The following LPAR1 variants were observed in gnomAD, a reference collection of about 807,000 sequenced individuals.
LPAR1 encodes the protein LPA receptor 1.
LPAR1 carries 5 observed loss-of-function variants against 23.8 expected under a neutral mutation model. The ratio of observed to expected loss-of-function variants is 0.21; its 90% CI spans 0.11 to 0.44. The LOEUF is 0.44. LPAR1 is among the 20% of genes least tolerant of loss of function. LPAR1 has a pLI of 0.99. For synonymous variants in LPAR1, 160 were observed against 164.7 expected, an observed-to-expected ratio of 0.97 and a Z score of 0.22; for missense variants, 311 against 482.8, an observed-to-expected ratio of 0.64 and a Z score of 3.33.
At chr9:110,974,432 G>T (rs1435537110) in intron 2 of LPAR1, among the ~76,000 whole-genome samples, 1 of 152,186 alleles carries the variant, frequency 6.6e-6, no homozygotes, top group Non-Finnish European at 1.5e-5. Context: ...CTGGGCAAAT[G>T]AGGAGCTCAG....
intron 4 of LPAR1, among the ~76,000 whole-genome samples, 153 bp downstream of exon 4, chr9:110,971,920 T>G (rs898661150): frequency 6.6e-6 from 1 of 152,126 alleles, no homozygotes; most frequent in African/African-American, 2.4e-5. Flanking sequence ...AAATGGCACC[T>G]CACTCACAAA....
chr9:111,021,300 C>T (rs761822335), intron 2 of LPAR1, among the ~76,000 whole-genome samples: 35 of 152,200 alleles, frequency 2.3e-4, no homozygotes, highest in Non-Finnish European at 4.7e-4. Flanking sequence ...TTTTGCTTGT[C>T]ATTATACATC....
chr9:110,941,474 C>T lies in LPAR1; in HGVS notation c.740G>A (p.Arg247Gln), dbSNP rs1270670231. The T allele has an allele frequency of 2.5e-6, 4 of 1,613,922 alleles. No individual in the cohort carries two copies. The highest frequency in any genetic ancestry group is 1.3e-5 in the African/African-American group (1 of 74,896). ...MRMSRHSSGP[R>Q]RNRDTMMSLL... ...ACTCATCATGGTATCCCGATTCCGC[C>T]GGGGTCCAGAACTATGCCGAGACAT... Residue 247 changes from arginine to glutamine, a missense_variant, in exon 5 of 6, where the codon CGG becomes CAG. Arg to Gln is a conservative substitution (Grantham distance 43, BLOSUM62 1). Transcript: ENST00000683809. This position sits in a 1 kb window ranked among gnomAD's most constrained non-coding sequence, Gnocchi z 6.1.
chr9:110,923,618 G>T lies in LPAR1; in HGVS notation c.793+17803C>A, dbSNP rs185929078. 5.3e-4 allele frequency among the ~76,000 whole-genome samples: 81 copies of T among 152,326 alleles called. 1 individual carries two copies. In the East Asian group the frequency reaches 0.014, roughly 26 times the overall value. On this transcript the variant is annotated intron_variant, in intron 5 of 5. Transcript: ENST00000683809. The stretch of plus-strand genomic sequence containing the variant: ...ATTTTCAATTTACGATGGATTTATG[G>T]AGATGTAACCCCACCGCTAAGTCAG...
intron 2 of LPAR1, among the ~76,000 whole-genome samples, chr9:110,989,308 T>C (rs1724165011): frequency 6.6e-6 from 1 of 152,206 alleles, no homozygotes; most frequent in Admixed American, 6.5e-5. Context: ...CTCTGCCTCC[T>C]GAATAGCTGG....
intron 3 of LPAR1, among the ~76,000 whole-genome samples, chr9:110,973,270 C>G (rs965101959): frequency 6.6e-6 from 1 of 152,138 alleles, no homozygotes; most frequent in African/African-American, 2.4e-5. Context: ...TTAGATAGCA[C>G]CCCGTCCAAC....
At chr9:111,005,658 T>A (rs1232054371) in intron 2 of LPAR1, among the ~76,000 whole-genome samples, 2 of 148,658 alleles carry the variant, frequency 1.3e-5, no homozygotes, top group Admixed American at 6.7e-5. Flanking sequence ...CTCTGCCTCA[T>A]CCACTAGCAA....
intron 4 of LPAR1, among the ~76,000 whole-genome samples, chr9:110,967,356 G>A (rs893136690): frequency 6.6e-6 from 1 of 152,186 alleles, no homozygotes; most frequent in South Asian, 2.1e-4. Flanking sequence ...CCCAGCAGGC[G>A]TGACAATGCA....
intron 5 of LPAR1, among the ~76,000 whole-genome samples, chr9:110,891,008 T>G (rs1588155671): frequency 6.6e-6 from 1 of 152,346 alleles, no homozygotes; most frequent in African/African-American, 2.4e-5. Flanking sequence ...ACTAGAAGTA[T>G]TCCACTAATA....
chr9:111,007,832 A>C (rs2097251685), intron 2 of LPAR1, among the ~76,000 whole-genome samples: 1 of 152,186 alleles, frequency 6.6e-6, no homozygotes, highest in Non-Finnish European at 1.5e-5. Context: ...ATCATTACAA[A>C]ACTATATCCG....
At chr9:110,966,545 T>C (rs2096234784) in intron 4 of LPAR1, among the ~76,000 whole-genome samples, 1 of 151,038 alleles carries the variant, frequency 6.6e-6, no homozygotes, top group South Asian at 2.1e-4. Context: ...CCATGGCACA[T>C]GTATACCTAT....
intron 5 of LPAR1, among the ~76,000 whole-genome samples, chr9:110,889,184 AC>A (rs2083318964): frequency 6.6e-6 from 1 of 152,098 alleles, no homozygotes; most frequent in African/African-American, 2.4e-5. Flanking sequence ...ACAAGGTGAA[AC>A]CCTGTCTCTA....
intron 5 of LPAR1, among the ~76,000 whole-genome samples, chr9:110,930,378 G>A (rs1397753582): frequency 6.6e-6 from 1 of 152,080 alleles, no homozygotes; most frequent in East Asian, 1.9e-4. Flanking sequence ...AGCTGGGTGT[G>A]GTGGCCTGTA....
chr9:111,007,359 A>C (rs1042850234), intron 2 of LPAR1, among the ~76,000 whole-genome samples: 3 of 152,218 alleles, frequency 2.0e-5, no homozygotes, highest in Non-Finnish European at 4.4e-5. Context: ...GCTTTATATC[A>C]CATCATAAAC....
Position 110,989,156 on chromosome 9 carries a change from T to C in LPAR1, c.-181-15598A>G, listed in dbSNP as rs971811355. 5.3e-4 allele frequency among the ~76,000 whole-genome samples: 80 copies of C among 152,158 alleles called. 1 individual carries two copies. Among genetic ancestry groups the C allele is most frequent in the African/African-American group, 1.8e-3 (73 of 41,446 alleles). ...TAAATAGGGAGTGATTGAAAACAAATATGAGGTTTCTCTTGGAATGATAAA... is the reference window on the plus strand; with the variant it reads ...TAAATAGGGAGTGATTGAAAACAAACATGAGGTTTCTCTTGGAATGATAAA... On this transcript the variant is annotated intron_variant, in intron 2 of 5. Coordinates refer to ENST00000683809, the MANE Select transcript of LPAR1 (RefSeq NM_001351411.2).
At chr9:110,880,314 C>T (rs1184813221) in intron 5 of LPAR1, among the ~76,000 whole-genome samples, 1 of 152,168 alleles carries the variant, frequency 6.6e-6, no homozygotes, top group African/African-American at 2.4e-5. Flanking sequence ...TTTGGAACAA[C>T]AGGTCACAGC....
chr9:110,991,560 T>C (rs1299521070), intron 2 of LPAR1, among the ~76,000 whole-genome samples: 1 of 108,840 alleles, frequency 9.2e-6, no homozygotes, highest in African/African-American at 3.3e-5. Context: ...AGCAGTCTGA[T>C]AGAATCTTTC....
At chr9:110,986,853 A>G (rs2096793027) in intron 2 of LPAR1, among the ~76,000 whole-genome samples, 1 of 152,132 alleles carries the variant, frequency 6.6e-6, no homozygotes, top group Non-Finnish European at 1.5e-5. Context: ...CTTTGGGAGA[A>G]TGAATCAAAA....
intron 5 of LPAR1, among the ~76,000 whole-genome samples, chr9:110,939,719 C>A (rs1488247469): frequency 6.6e-6 from 1 of 152,140 alleles, no homozygotes; most frequent in East Asian, 1.9e-4. Context: ...AGATATTATA[C>A]AAAGGTCAAA....
Sources: gnomAD v4.1 joint callset for allele counts (sites outside exome capture counted in the v4.1 genomes callset) on GRCh38, gnomAD v4.1.1 for gene constraint, Gnocchi (gnomAD v3.1) non-coding constraint, MANE v1.5 for transcripts, NCBI Gene and HGNC (gene_info 2026-07-23, HGNC 2026-07-21) for gene names.